The following OSBPL3 variants were observed in gnomAD, a reference collection of about 807,000 sequenced individuals.
OSBPL3 encodes oxysterol binding protein like 3.
Under a neutral mutation model 120.1 loss-of-function variants are expected in OSBPL3, and 65 were observed. The ratio of observed to expected loss-of-function variants is 0.54; its 90% CI spans 0.44 to 0.67. The LOEUF is 0.67. Among genes scored for constraint, OSBPL3 ranks in the 30% least tolerant of loss-of-function variants. The pLI, the probability that OSBPL3 is intolerant of heterozygous loss-of-function variation, is 0.00. For missense variants in OSBPL3, 1,004 were observed against 1,082.1 expected (o/e 0.93, Z 1.01); for synonymous variants, 416 against 402.6 (o/e 1.03, Z -0.40).
intron 1 of OSBPL3, among the ~76,000 whole-genome samples, chr7:24,895,817 T>G (rs1806056077): frequency 6.6e-6 from 1 of 152,206 alleles, no homozygotes; most frequent in South Asian, 2.1e-4. Flanking sequence ...TGTGAATAAT[T>G]TAAGGGCAAA....
intron 1 of OSBPL3, among the ~76,000 whole-genome samples, chr7:24,919,095 C>T (rs961213805): frequency 6.6e-6 from 1 of 152,142 alleles, no homozygotes; most frequent in Admixed American, 6.5e-5. Flanking sequence ...GAGCTTAGAT[C>T]TGAAAATGAA....
Position 24,930,378 on chromosome 7 carries a change from C to A in OSBPL3, c.-149-37757G>T, listed in dbSNP as rs1335086037. Among the ~76,000 whole-genome samples the A allele has an allele frequency of 6.6e-6, 1 of 152,064 alleles. No individual in the cohort carries two copies. Among genetic ancestry groups the A allele is most frequent in the Admixed American group, 6.5e-5 (1 of 15,278 alleles). On this transcript the variant is annotated intron_variant, in intron 1 of 22. Coordinates refer to ENST00000313367, the MANE Select transcript of OSBPL3 (RefSeq NM_015550.4). The surrounding 1 kb of genome is among the most constrained non-coding windows in gnomAD (Gnocchi z 4.4). ...AACAAACAAATTTTATACTGCCTAT[C>A]CAAGATTAAGATTACACTTAACAAA...
At chr7:24,908,610 A>C (rs1584584356) in intron 1 of OSBPL3, among the ~76,000 whole-genome samples, 1 of 152,204 alleles carries the variant, frequency 6.6e-6, no homozygotes, top group East Asian at 1.9e-4. Context: ...AACCGTGGTG[A>C]GACAGATCCA....
At chr7:24,934,751 G>A (rs1812191471) in intron 1 of OSBPL3, among the ~76,000 whole-genome samples, 1 of 152,040 alleles carries the variant, frequency 6.6e-6, no homozygotes, top group African/African-American at 2.4e-5. Flanking sequence ...TAATGACACA[G>A]GTTTGAATTA....
At chr7:24,829,522 G>A (rs952683681) in intron 16 of OSBPL3, among the ~76,000 whole-genome samples, 1 of 152,062 alleles carries the variant, frequency 6.6e-6, no homozygotes, top group African/African-American at 2.4e-5. Context: ...TCCCTGTAGT[G>A]CAAATCCATT....
At chr7:24,887,760 G>A (rs930448288) in intron 2 of OSBPL3, among the ~76,000 whole-genome samples, 10 of 152,104 alleles carry the variant, frequency 6.6e-5, no homozygotes, top group Non-Finnish European at 8.8e-5. Context: ...CTAAAAACAC[G>A]GCAATCTTTC....
Position 24,979,892 on chromosome 7 carries a change from G to A in OSBPL3, c.-156C>T. The A allele has an allele frequency of 4.2e-6, 4 of 955,018 alleles. No homozygotes were observed. Among genetic ancestry groups the A allele is most frequent in the Non-Finnish European group, 4.9e-6 (4 of 812,440 alleles). The allele number at this position is 955,018 out of a possible 1,614,324, so 59.2% of individuals were successfully genotyped here. A position where few individuals can be genotyped will look rare whatever the true frequency, so the allele number is the denominator to read the frequency against. ...CGGGCGCCCCGCCACTCACCTGAGC[G>A]CTGTGCAGCCGGAGACGCTCCCTAG... On this transcript the variant is annotated 5_prime_UTR_variant, in exon 1 of 23. Coordinates refer to ENST00000313367, the MANE Select transcript of OSBPL3 (RefSeq NM_015550.4).
Position 24,871,655 on chromosome 7 carries a change from C to T in OSBPL3, c.267+87G>A. On this transcript the variant is annotated intron_variant, in intron 4 of 22. Coordinates refer to ENST00000313367, the MANE Select transcript of OSBPL3 (RefSeq NM_015550.4). The surrounding 1 kb of genome is among the most constrained non-coding windows in gnomAD (Gnocchi z 4.8). The stretch of plus-strand genomic sequence containing the variant: ...GGTTTCCAGTTCCGAGAAAAGCTAT[C>T]CTCAACTATACACACTCTCATCTCT... 1 of 977,728 alleles carries T rather than the reference C, an allele frequency of 1.0e-6. No homozygotes were observed. The highest frequency in any genetic ancestry group is 2.4e-5 in the East Asian group (1 of 41,804). 60.6% of individuals were successfully genotyped at this position (977,728 alleles called of 1,614,324 possible).
chr7:24,835,975 C>A lies in OSBPL3; in HGVS notation c.1496-1239G>T, dbSNP rs1194504949. Among the ~76,000 whole-genome samples, 1 of 152,032 alleles carries A rather than the reference C, an allele frequency of 6.6e-6. No homozygotes were observed. The highest frequency in any genetic ancestry group is 1.5e-5 in the Non-Finnish European group (1 of 68,006). On this transcript the variant is annotated intron_variant, in intron 14 of 22. Coordinates refer to ENST00000313367, the MANE Select transcript of OSBPL3 (RefSeq NM_015550.4). This position sits in a 1 kb window ranked among gnomAD's most constrained non-coding sequence, Gnocchi z 4.8. Reference sequence around the variant, plus strand: ...AAAAACCTACCTATTTGGTGCTATGCTTATTACCTTGGTGATGAAATAATC... The same window carrying A: ...AAAAACCTACCTATTTGGTGCTATGATTATTACCTTGGTGATGAAATAATC...
intron 1 of OSBPL3, among the ~76,000 whole-genome samples, chr7:24,935,132 T>C (rs562559074): frequency 6.6e-6 from 1 of 152,200 alleles, no homozygotes; most frequent in South Asian, 2.1e-4. Context: ...CTATAAGACA[T>C]CCATTAAAAT....
chr7:24,867,735 C>T lies in OSBPL3; in HGVS notation c.382-1498G>A, dbSNP rs949140223. ...TATGTCTTTATCAGCAGTGTGAAAA[C>T]GAACTAATACAATATGTTAATGAAT... On this transcript the variant is annotated intron_variant, in intron 5 of 22. Transcript: ENST00000313367. The surrounding 1 kb of genome is among the most constrained non-coding windows in gnomAD (Gnocchi z 4.5). Among the ~76,000 whole-genome samples the T allele has an allele frequency of 1.3e-5, 2 of 151,974 alleles. No individual in the cohort carries two copies. The highest frequency in any genetic ancestry group is 2.9e-5 in the Non-Finnish European group (2 of 68,008).
intron 12 of OSBPL3, among the ~76,000 whole-genome samples, chr7:24,844,405 T>C (rs1337218764): frequency 6.6e-6 from 1 of 151,880 alleles, no homozygotes; most frequent in East Asian, 1.9e-4. Flanking sequence ...TCATCAGCTA[T>C]CATTAGTGTT....
Position 24,827,112 on chromosome 7 carries a change from G to A in OSBPL3, c.1884+3656C>T, listed in dbSNP as rs539656783. 2.0e-5 allele frequency among the ~76,000 whole-genome samples: 3 copies of A among 152,260 alleles called. No individual in the cohort carries two copies. The highest frequency in any genetic ancestry group is 2.1e-4 in the South Asian group (1 of 4,818). On this transcript the variant is annotated intron_variant, in intron 16 of 22. Coordinates refer to ENST00000313367, the MANE Select transcript of OSBPL3 (RefSeq NM_015550.4). The surrounding 1 kb of genome is among the most constrained non-coding windows in gnomAD (Gnocchi z 5.1). ...AAATTCCACCCAAAAATATTAATTC[G>A]GGGGGCTTGCCCAGTTTATTATACT... is the stretch of plus-strand genomic sequence containing the variant.
In OSBPL3 at chr7:24,966,839, C is replaced by T. The variant is rs979352892; in HGVS notation, c.-150+13047G>A. Among the ~76,000 whole-genome samples, 2 of 152,204 alleles carry T rather than the reference C, an allele frequency of 1.3e-5. No homozygotes were observed. The highest frequency in any genetic ancestry group is 2.9e-5 in the Non-Finnish European group (2 of 68,022). On this transcript the variant is annotated intron_variant, in intron 1 of 22. Coordinates refer to ENST00000313367, the MANE Select transcript of OSBPL3 (RefSeq NM_015550.4). This position sits in a 1 kb window ranked among gnomAD's most constrained non-coding sequence, Gnocchi z 4.8. ...CCTCATGAGGCTGATCATTATTTCC[C>T]AGGCAAAATTCATATATAAATCACA...
chr7:24,917,422 ATATATT>A (rs1315365840), intron 1 of OSBPL3, among the ~76,000 whole-genome samples: 5 of 136,544 alleles, frequency 3.7e-5, no homozygotes, highest in African/African-American at 5.5e-5. Flanking sequence ...ATATATATAT[ATATATT>A]TGTAACATAT....
At chr7:24,942,783 G>A (rs1457169126) in intron 1 of OSBPL3, among the ~76,000 whole-genome samples, 1 of 152,196 alleles carries the variant, frequency 6.6e-6, no homozygotes, top group Non-Finnish European at 1.5e-5. Context: ...TGATATTTTT[G>A]CACGTATGAA....
chr7:24,836,844 A>T (rs897012170), intron 14 of OSBPL3, among the ~76,000 whole-genome samples: 1 of 151,730 alleles, frequency 6.6e-6, no homozygotes, highest in African/African-American at 2.4e-5. Context: ...TTTAAAATTA[A>T]TTTTTTTTGA....
rs1030043389 is a variant in OSBPL3, at chr7:24,937,185, A to T, written c.-150+42701T>A. On this transcript the variant is annotated intron_variant, in intron 1 of 22. Transcript: ENST00000313367. The surrounding 1 kb of genome is among the most constrained non-coding windows in gnomAD (Gnocchi z 4.0). ...AGGGGGAAAAGGCCCTTATATTATA[A>T]AACCATCAGATGTAGTGAGAACTAA... Among the ~76,000 whole-genome samples the T allele has an allele frequency of 2.6e-5, 4 of 152,160 alleles. No individual in the cohort carries two copies. Among genetic ancestry groups the T allele is most frequent in the Non-Finnish European group, 5.9e-5 (4 of 68,028 alleles).
intron 16 of OSBPL3, among the ~76,000 whole-genome samples, chr7:24,826,848 T>C (rs1795769471): frequency 6.6e-6 from 1 of 152,206 alleles, no homozygotes; most frequent in Non-Finnish European, 1.5e-5. Context: ...AGAGGCAAGC[T>C]TCGACAGAGT....
Sources: gnomAD v4.1 joint callset for allele counts (sites outside exome capture counted in the v4.1 genomes callset) on GRCh38, gnomAD v4.1.1 for gene constraint, Gnocchi (gnomAD v3.1) non-coding constraint, MANE v1.5 for transcripts, NCBI Gene and HGNC (gene_info 2026-07-23, HGNC 2026-07-21) for gene names.